CDC42BPB: variants seen among roughly 807,000 people sequenced by gnomAD.
The protein encoded by CDC42BPB is serine/threonine-protein kinase MRCK beta.
In CDC42BPB, 37 loss-of-function variants were observed where a neutral mutation model predicts 214.9. The ratio of observed to expected loss-of-function variants is 0.17; its 90% CI spans 0.13 to 0.23. The LOEUF is 0.23. Among genes scored for constraint, CDC42BPB ranks in the 10% least tolerant of loss-of-function variants. The probability of loss-of-function intolerance (pLI) is 1.00; values close to 1 mark genes in which losing one functional copy is unlikely to be tolerated. For synonymous variants in CDC42BPB, 931 were observed against 884.0 expected (o/e 1.05, Z -0.94); for missense variants, 1,694 against 2,227.0 (o/e 0.76, Z 4.82).
At chr14:103,014,635 CACT>C (rs1372401436) in intron 1 of CDC42BPB, among the ~76,000 whole-genome samples, 1 of 152,086 alleles carries the variant, frequency 6.6e-6, no homozygotes, top group Non-Finnish European at 1.5e-5. Context: ...TGCTCAACAC[CACT>C]GAGGTTCGAT....
chr14:102,953,377 T>C (rs1353293375), intron 23 of CDC42BPB, among the ~76,000 whole-genome samples: 1 of 152,222 alleles, frequency 6.6e-6, no homozygotes, highest in African/African-American at 2.4e-5. Flanking sequence ...GCAGAGTTGC[T>C]ATCAAATATG....
At chr14:102,964,430 G>A (rs946192984) in intron 19 of CDC42BPB, 72 bp downstream of exon 19, 30 of 1,549,288 alleles carry the variant, frequency 1.9e-5, no homozygotes, top group Admixed American at 5.8e-5. Flanking sequence ...ATCGGAGCCC[G>A]TGAGGCTCAG....
intron 6 of CDC42BPB, among the ~76,000 whole-genome samples, chr14:102,985,142 T>C (rs1156765546): frequency 1.4e-5 from 2 of 146,184 alleles, no homozygotes; most frequent in South Asian, 2.2e-4. Context: ...GACAGGGTGG[T>C]GTGGAGGTCA....
intron 23 of CDC42BPB, among the ~76,000 whole-genome samples, chr14:102,953,886 G>T (rs1271633864): frequency 6.6e-6 from 1 of 152,224 alleles, no homozygotes; most frequent in Non-Finnish European, 1.5e-5. Flanking sequence ...GAAGTAAGCT[G>T]CCTACCTGTG....
chr14:102,939,437 T>C (rs929574247), intron 34 of CDC42BPB, among the ~76,000 whole-genome samples, 173 bp downstream of exon 34: 2 of 152,322 alleles, frequency 1.3e-5, no homozygotes, highest in African/African-American at 2.4e-5. Context: ...ACAGGGTAAG[T>C]GCTCGTGAAC....
rs750798248 is a variant in CDC42BPB at position 102,975,712 on chromosome 14, T to G, written c.1479A>C (p.Glu493Asp). ...CTATTTTATTCTTCAAGCGTTCGAT[T>G]TCTTCATTTAGCTTTTTGATTTCTT... ...RDKEIKKLNEEIERLKNKIAD... is the reference protein window; with the variant it reads ...RDKEIKKLNEDIERLKNKIAD... The change falls in exon 11 of 37, where the codon GAA becomes GAC. Residue 493 changes from glutamate (E) to aspartate (D), a missense_variant. Glu to Asp is a conservative substitution (Grantham distance 45, BLOSUM62 2). Transcript: ENST00000361246. 2 of 1,613,864 alleles carry G rather than the reference T, an allele frequency of 1.2e-6. No individual in the cohort carries two copies. Among genetic ancestry groups the G allele is most frequent in the Non-Finnish European group, 1.7e-6 (2 of 1,179,724 alleles).
intron 34 of CDC42BPB, among the ~76,000 whole-genome samples, chr14:102,939,204 G>A (rs1347707565): frequency 1.3e-5 from 2 of 152,128 alleles, no homozygotes; most frequent in East Asian, 3.9e-4. Context: ...CTCCCAAAGT[G>A]CTGGGATTAC....
chr14:103,026,941 G>C (rs1259637080), intron 1 of CDC42BPB, among the ~76,000 whole-genome samples: 1 of 150,726 alleles, frequency 6.6e-6, no homozygotes. Context: ...TATCTGATAA[G>C]GGACTTACAT....
At chr14:103,038,947 A>G (rs1887829532) in intron 1 of CDC42BPB, among the ~76,000 whole-genome samples, 1 of 152,320 alleles carries the variant, frequency 6.6e-6, no homozygotes, top group Non-Finnish European at 1.5e-5. Flanking sequence ...AAGAAGGGAC[A>G]CTACTGACAT....
intron 5 of CDC42BPB, among the ~76,000 whole-genome samples, chr14:102,992,333 A>G (rs1314132151): frequency 1.3e-5 from 2 of 152,230 alleles, no homozygotes; most frequent in African/African-American, 2.4e-5. Context: ...AACTACAGAT[A>G]ACAGTGATTT....
In CDC42BPB at chr14:102,944,754, C is replaced by G; in HGVS notation, c.3812-267G>C. On this transcript the variant is annotated intron_variant, in intron 29 of 36. Transcript: ENST00000361246. The surrounding 1 kb of genome is among the most constrained non-coding windows in gnomAD (Gnocchi z 6.6). The stretch of plus-strand genomic sequence containing the variant: ...TCCAAAGGCTCCTCTGCCTCTGCTG[C>G]TGTGCACACCCCTCAGTGCACCAGG... 1.3e-6 allele frequency: 1 copy of G among 750,528 alleles called. No homozygotes were observed. The highest frequency in any genetic ancestry group is 1.6e-6 in the Non-Finnish European group (1 of 615,612). 46.5% of individuals were successfully genotyped at this position (750,528 alleles called of 1,614,324 possible).
Position 103,008,889 on chromosome 14 carries a change from A to T in CDC42BPB, c.268-334T>A, listed in dbSNP as rs565089247. Among the ~76,000 whole-genome samples, 9 of 152,346 alleles carry T rather than the reference A, an allele frequency of 5.9e-5. No homozygotes were observed. In the South Asian group the frequency reaches 1.9e-3, roughly 32 times the overall value. Reference sequence around the variant, plus strand: ...CACTGACAGTTAATGTGCCCAGCACACTGTGGGGCACAGTCAGCACTCAGC... The same window carrying T: ...CACTGACAGTTAATGTGCCCAGCACTCTGTGGGGCACAGTCAGCACTCAGC... On this transcript the variant is annotated intron_variant, in intron 2 of 36. Coordinates refer to ENST00000361246, the MANE Select transcript of CDC42BPB (RefSeq NM_006035.4).
At position 102,968,622 on chromosome 14, in the gene CDC42BPB, T is replaced by C. The variant is rs771742248; in HGVS notation, c.2090A>G (p.Tyr697Cys). 3 of 1,614,244 alleles carry C rather than the reference T, an allele frequency of 1.9e-6. No individual in the cohort carries two copies. The highest frequency in any genetic ancestry group is 2.7e-5 in the African/African-American group (2 of 75,064). The change falls in exon 15 of 37, where the codon TAT (tyrosine) becomes TGT (cysteine). Residue 697 changes from tyrosine (Y) to cysteine (C), a missense_variant. Transcript: ENST00000361246. ...CTCACGTCTGACCAATTCCTCTTCA[T>C]AAAATAAGACTTTCTTCTCCAGCTC... ...KSELEKKVLF[Y>C]EEELVRREAS...
In CDC42BPB at chr14:103,055,946, G is replaced by A. The variant is rs552918256; in HGVS notation, c.175+1053C>T. 1.3e-3 allele frequency among the ~76,000 whole-genome samples: 203 copies of A among 152,340 alleles called. 1 individual carries two copies. Among genetic ancestry groups the A allele is most frequent in the African/African-American group, 4.5e-3 (189 of 41,578 alleles). ...CAAGGATAAGGTTTTCATAGGTTTG[G>A]CCTGAACATACGCATTTCCTCCTCC... On this transcript the variant is annotated intron_variant, in intron 1 of 36. Coordinates refer to ENST00000361246, the MANE Select transcript of CDC42BPB (RefSeq NM_006035.4).
intron 4 of CDC42BPB, chr14:102,999,960 G>A (rs554614189): frequency 2.1e-6 from 2 of 961,220 alleles, no homozygotes; most frequent in South Asian, 9.6e-5. Flanking sequence ...TAATCAATGG[G>A]AGGAATGATG....
At chr14:102,950,322 G>T in intron 25 of CDC42BPB, 144 bp downstream of exon 25, 1 of 1,160,072 alleles carries the variant, frequency 8.6e-7, no homozygotes, top group Non-Finnish European at 1.2e-6. Context: ...GATGGCCTCA[G>T]TGCCCAGGAG....
chr14:103,040,034 T>C (rs1887898428), intron 1 of CDC42BPB, among the ~76,000 whole-genome samples: 1 of 152,226 alleles, frequency 6.6e-6, no homozygotes, highest in African/African-American at 2.4e-5. Context: ...GTGAATTTAA[T>C]TAATGCCACT....
intron 1 of CDC42BPB, among the ~76,000 whole-genome samples, chr14:103,041,131 T>C (rs373770491): frequency 6.6e-6 from 1 of 152,334 alleles, no homozygotes; most frequent in East Asian, 1.9e-4. Context: ...CATACATTTA[T>C]GGTCAACTGA....
rs1281315859 is a variant in CDC42BPB, at chr14:102,948,033, AT to A, written c.3450-232del. On this transcript the variant is annotated intron_variant, in intron 26 of 36. Coordinates refer to ENST00000361246, the MANE Select transcript of CDC42BPB (RefSeq NM_006035.4). ...GCCGCAAGGGAAACCCCGGAGCCTC[AT>A]CCCCACTGTGCTGGTGCCTCCAGAC... is the stretch of plus-strand genomic sequence containing the variant. 3.3e-6 allele frequency: 3 copies of A among 918,386 alleles called. No homozygotes were observed. The African/African-American group carries it at 5.5e-5, about 17-fold the overall frequency. 56.9% of individuals were successfully genotyped at this position (918,386 alleles called of 1,614,324 possible).
Sources: gnomAD v4.1 joint callset for allele counts (sites outside exome capture counted in the v4.1 genomes callset) on GRCh38, gnomAD v4.1.1 for gene constraint, Gnocchi (gnomAD v3.1) non-coding constraint, MANE v1.5 for transcripts, NCBI Gene and HGNC (gene_info 2026-07-23, HGNC 2026-07-21) for gene names.